Variants in QSOX2 observed in about 807,000 individuals in gnomAD.
The protein encoded by QSOX2 is quiescin sulfhydryl oxidase 2.
QSOX2 carries 46 observed loss-of-function variants against 61.7 expected under a neutral mutation model. The ratio of observed to expected loss-of-function variants is 0.75; its 90% CI spans 0.59 to 0.95. QSOX2 has a LOEUF of 0.95. QSOX2 is among the 40% of genes least tolerant of loss of function. The pLI, the probability that QSOX2 is intolerant of heterozygous loss-of-function variation, is 0.00. For missense variants in QSOX2, 879 were observed against 918.9 expected (o/e 0.96, Z 0.56); for synonymous variants, 383 against 388.4 (o/e 0.99, Z 0.16).
Position 136,209,685 on chromosome 9 carries a change from T to C in QSOX2, c.1550-410A>G. 1.0e-6 allele frequency: 1 copy of C among 984,812 alleles called. No individual in the cohort carries two copies. The allele number at this position is 984,812 out of a possible 1,614,324, so 61.0% of individuals were successfully genotyped here. On this transcript the variant is annotated intron_variant, in intron 11 of 11. Coordinates refer to ENST00000358701, the MANE Select transcript of QSOX2 (RefSeq NM_181701.4). The surrounding 1 kb of genome is among the most constrained non-coding windows in gnomAD (Gnocchi z 5.6). Reference sequence around the variant, plus strand: ...CCCCCACTGCTGCCCCTCTGCCCTTTCCTGAGGGTGCACCTGAGGCCCACT... The same window carrying C: ...CCCCCACTGCTGCCCCTCTGCCCTTCCCTGAGGGTGCACCTGAGGCCCACT...
chr9:136,224,501 C>T (rs1830261075), intron 3 of QSOX2, among the ~76,000 whole-genome samples: 1 of 152,216 alleles, frequency 6.6e-6, no homozygotes, highest in East Asian at 1.9e-4. Context: ...CAGAGCCCCC[C>T]AGGGTGTGGC....
chr9:136,219,085 C>T lies in QSOX2; in HGVS notation c.901G>A (p.Glu301Lys). 1 of 1,614,136 alleles carries T rather than the reference C, an allele frequency of 6.2e-7. No homozygotes were observed. The highest frequency in any genetic ancestry group is 8.5e-7 in the Non-Finnish European group (1 of 1,180,030). Residue 301 changes from glutamate to lysine, a missense_variant, in exon 7 of 12, where the codon GAA becomes AAA. Coordinates refer to ENST00000358701, the MANE Select transcript of QSOX2 (RefSeq NM_181701.4). Reference sequence around the variant, plus strand: ...GAATTTTCTTCTTTGTGTGGCTTTTCAGGCAAGGGAAGCGATTTTTTCCTC... The same window carrying T: ...GAATTTTCTTCTTTGTGTGGCTTTTTAGGCAAGGGAAGCGATTTTTTCCTC... ...DVRKKSLPLPEKPHKEENSEI... is the reference protein window; with the variant it reads ...DVRKKSLPLPKKPHKEENSEI...
intron 1 of QSOX2, among the ~76,000 whole-genome samples, chr9:136,239,232 G>C (rs1433565978): frequency 1.3e-5 from 2 of 152,230 alleles, no homozygotes; most frequent in Non-Finnish European, 2.9e-5. Context: ...ACCCAGGCTG[G>C]AGTACAGGAG....
rs777009917 is a variant in QSOX2, at chr9:136,215,268, C to T, written c.1246G>A (p.Val416Ile). 1 of 1,613,844 alleles carries T rather than the reference C, an allele frequency of 6.2e-7. No homozygotes were observed. Among genetic ancestry groups the T allele is most frequent in the African/African-American group, 1.3e-5 (1 of 74,918 alleles). ...TCAGATCGGCTTCCTTGACATCCAACCCACTTTATGTGATTAGTAAGGAAT... is the reference window on the plus strand; with the variant it reads ...TCAGATCGGCTTCCTTGACATCCAATCCACTTTATGTGATTAGTAAGGAAT... ...GIFLTNHIKW[V>I]GCQGSRSELR... is the part of the protein sequence containing the mutation. The change falls in exon 10 of 12, where the codon GTT becomes ATT. Residue 416 changes from valine (V) to isoleucine (I), a missense_variant. Coordinates refer to ENST00000358701, the MANE Select transcript of QSOX2 (RefSeq NM_181701.4).
intron 10 of QSOX2, among the ~76,000 whole-genome samples, chr9:136,213,612 G>A (rs894039114): frequency 6.6e-6 from 1 of 150,712 alleles, no homozygotes; most frequent in East Asian, 1.9e-4. Context: ...TCACCTTGAG[G>A]AGGGCCAAAA....
chr9:136,210,942 C>T (rs1341291816), intron 11 of QSOX2: 1 of 978,186 alleles, frequency 1.0e-6, no homozygotes, highest in East Asian at 1.1e-4. Context: ...TCCAAGCTTT[C>T]CAGAGTCAAA....
chr9:136,208,291 T>TGGAGGGTGCAGGGAGAGCCAAGGTGGGGG lies in QSOX2; in HGVS notation c.*436_*437insCCCCCACCTTGGCTCTCCCTGCACCCTCC, dbSNP rs71384066. ...GCGGGGGGAGGGGGAGCGAGGGGAG[T>TGGAGGGTGCAGGGAGAGCCAAGGTGGGGG]GGGGGGGAGCCAGGAGCCGCGGGGG... On this transcript the variant is annotated 3_prime_UTR_variant, in exon 12 of 12. Transcript: ENST00000358701. 1.5e-5 allele frequency: 1 copy of TGGAGGGTGCAGGGAGAGCCAAGGTGGGGG among 67,840 alleles called. No homozygotes were observed. The highest frequency in any genetic ancestry group is 2.8e-5 in the Non-Finnish European group (1 of 35,766). The allele number at this position is 67,840 out of a possible 1,614,324, so 4.2% of individuals were successfully genotyped here. A position where few individuals can be genotyped will look rare whatever the true frequency, so the allele number is the denominator to read the frequency against.
intron 10 of QSOX2, among the ~76,000 whole-genome samples, chr9:136,213,691 T>C (rs1831876391): frequency 6.6e-6 from 1 of 151,978 alleles, no homozygotes; most frequent in Non-Finnish European, 1.5e-5. Context: ...TGGAATCTAT[T>C]TCTCTCACCA....
At chr9:136,235,289 G>T (rs73668099) in intron 1 of QSOX2, among the ~76,000 whole-genome samples, 1 of 152,212 alleles carries the variant, frequency 6.6e-6, no homozygotes, top group Non-Finnish European at 1.5e-5. Context: ...CCACTCAAAG[G>T]CCACGTCCCC....
chr9:136,218,617 C>CA lies in QSOX2; in HGVS notation c.1086+61dup, dbSNP rs1831942091. 74 of 1,559,226 alleles carry CA rather than the reference C, an allele frequency of 4.7e-5. 3 individuals carry two copies. In the South Asian group the frequency reaches 8.7e-4, roughly 18 times the overall value. On this transcript the variant is annotated intron_variant, in intron 8 of 11. Transcript: ENST00000358701. ...AGCCCCCGCAGTGTCCGACGCCCCC[C>CA]AGGGCCCACTCTGTGCAGAGCCAAA...
chr9:136,239,033 C>T (rs1330675931), intron 1 of QSOX2, among the ~76,000 whole-genome samples: 1 of 152,366 alleles, frequency 6.6e-6, no homozygotes, highest in Non-Finnish European at 1.5e-5. Context: ...GTCTCGGGTC[C>T]TCTGTGCTGG....
At position 136,245,555 on chromosome 9, in the gene QSOX2, G is replaced by A. The variant is rs1554758417; in HGVS notation, c.249C>T (p.Leu83=). 3 of 1,584,756 alleles carry A rather than the reference G, an allele frequency of 1.9e-6. No individual in the cohort carries two copies. Among genetic ancestry groups the A allele is most frequent in the African/African-American group, 1.4e-5 (1 of 72,046 alleles). The part of the protein sequence containing the change: ...GATANSSAAW[L]VQFYSSWCGH... Reference sequence around the variant, plus strand: ...CACACCACGACGAGTAGAACTGCACGAGCCACGCGGCCGAGCTGTTGGCGG... The same window carrying A: ...CACACCACGACGAGTAGAACTGCACAAGCCACGCGGCCGAGCTGTTGGCGG... Residue 83 remains leucine, a synonymous_variant, in exon 1 of 12, where the codon CTC becomes CTT. Coordinates refer to ENST00000358701, the MANE Select transcript of QSOX2 (RefSeq NM_181701.4).
chr9:136,232,935 A>AAG lies in QSOX2; in HGVS notation c.329-6062_329-6061insCT, dbSNP rs1554757405. On this transcript the variant is annotated intron_variant, in intron 1 of 11. Coordinates refer to ENST00000358701, the MANE Select transcript of QSOX2 (RefSeq NM_181701.4). ...CCTGTCTCAAAAAAAAAAAAAAAAA[A>AAG]AAAGAAAAAAGAAAAAAAAAGAAAA... Among the ~76,000 whole-genome samples, 445 of 142,350 alleles carry AAG rather than the reference A, an allele frequency of 3.1e-3. 7 individuals carry two copies. The highest frequency in any genetic ancestry group is 6.4e-3 in the South Asian group (30 of 4,652). The allele number at this position is 142,350 out of a possible 152,430, so 93.4% of individuals were successfully genotyped here.
chr9:136,222,089 A>C lies in QSOX2; in HGVS notation c.676-148T>G. ...AGGCAAGACCCTCACTCAAATCTTCACTCTCATTGCACTTTAAGGCAACTG... is the reference window on the plus strand; with the variant it reads ...AGGCAAGACCCTCACTCAAATCTTCCCTCTCATTGCACTTTAAGGCAACTG... On this transcript the variant is annotated intron_variant, in intron 5 of 11. Transcript: ENST00000358701. This position sits in a 1 kb window ranked among gnomAD's most constrained non-coding sequence, Gnocchi z 6.9. 1 of 750,722 alleles carries C rather than the reference A, an allele frequency of 1.3e-6. No individual in the cohort carries two copies. Among genetic ancestry groups the C allele is most frequent in the Non-Finnish European group, 1.9e-6 (1 of 518,244 alleles). 46.5% of individuals were successfully genotyped at this position (750,722 alleles called of 1,614,324 possible).
At position 136,222,813 on chromosome 9, in the gene QSOX2, G is replaced by A. The variant is rs1375885611; in HGVS notation, c.676-872C>T. On this transcript the variant is annotated intron_variant, in intron 5 of 11. Coordinates refer to ENST00000358701, the MANE Select transcript of QSOX2 (RefSeq NM_181701.4). This position sits in a 1 kb window ranked among gnomAD's most constrained non-coding sequence, Gnocchi z 6.9. Reference sequence around the variant, plus strand: ...AGGGGAACACCTGCCTCTGGTCTGCGTGTGTGGAGGCCCCGCCCGAGACAG... The same window carrying A: ...AGGGGAACACCTGCCTCTGGTCTGCATGTGTGGAGGCCCCGCCCGAGACAG... Among the ~76,000 whole-genome samples, 3 of 152,218 alleles carry A rather than the reference G, an allele frequency of 2.0e-5. No individual in the cohort carries two copies. Among genetic ancestry groups the A allele is most frequent in the Non-Finnish European group, 4.4e-5 (3 of 68,034 alleles).
intron 1 of QSOX2, among the ~76,000 whole-genome samples, chr9:136,227,754 C>T (rs7861249): frequency 2.6e-5 from 4 of 152,150 alleles, no homozygotes; most frequent in Admixed American, 1.3e-4. Context: ...GTGGGCAGAT[C>T]GTTTAAGCCC....
At chr9:136,210,672 A>G (rs1831833382) in intron 11 of QSOX2, 1 of 985,436 alleles carries the variant, frequency 1.0e-6, no homozygotes, top group Non-Finnish European at 1.2e-6. Flanking sequence ...TTTTTCTAAC[A>G]CAGTGGATTA....
chr9:136,212,442 A>G (rs769859872), intron 10 of QSOX2, among the ~76,000 whole-genome samples: 36 of 152,356 alleles, frequency 2.4e-4, no homozygotes, highest in Middle Eastern at 3.4e-3. Flanking sequence ...GGCTCCCTGC[A>G]AAACACAGCT....
chr9:136,212,269 C>A (rs753438454), intron 10 of QSOX2, among the ~76,000 whole-genome samples: 1 of 152,184 alleles, frequency 6.6e-6, no homozygotes. Context: ...CCCACTCAGA[C>A]GACTGACACA....
Sources: gnomAD v4.1 joint callset for allele counts (sites outside exome capture counted in the v4.1 genomes callset) on GRCh38, gnomAD v4.1.1 for gene constraint, Gnocchi (gnomAD v3.1) non-coding constraint, MANE v1.5 for transcripts, NCBI Gene and HGNC (gene_info 2026-07-23, HGNC 2026-07-21) for gene names.